OSBPL11: variants seen among roughly 807,000 people sequenced by gnomAD.
OSBPL11 encodes the protein oxysterol binding protein like 11.
In OSBPL11, 33 loss-of-function variants were observed where a neutral mutation model predicts 84.4. The ratio of observed to expected loss-of-function variants is 0.39; its 90% confidence interval spans 0.30 to 0.52. The LOEUF is 0.52. Ranked by LOEUF, OSBPL11 falls within the 20% of genes least tolerant of loss-of-function variation. OSBPL11 has a pLI of 0.72. For synonymous variants in OSBPL11, 276 were observed against 310.2 expected (o/e 0.89, Z 1.16); for missense variants, 736 against 901.1 (o/e 0.82, Z 2.35).
At chr3:125,571,868 C>T (rs1936247557) in intron 5 of OSBPL11, among the ~76,000 whole-genome samples, 1 of 152,212 alleles carries the variant, frequency 6.6e-6, no homozygotes, top group African/African-American at 2.4e-5. Flanking sequence ...GGTCAGAGCC[C>T]CCACACAGAG....
chr3:125,567,681 A>C lies in OSBPL11; in HGVS notation c.667-86T>G, dbSNP rs1031179824. 8.0e-6 allele frequency: 9 copies of C among 1,120,618 alleles called. No homozygotes were observed. The African/African-American group carries it at 1.4e-4, about 17-fold the overall frequency. 69.4% of individuals were successfully genotyped at this position (1,120,618 alleles called of 1,614,324 possible). A position where few individuals can be genotyped will look rare whatever the true frequency, so the allele number is the denominator to read the frequency against. On this transcript the variant is annotated intron_variant, in intron 5 of 12. Transcript: ENST00000296220. ...AGTTGCCATTTTAATTACCAGATTC[A>C]GCTTCTGAGCCATTTTTAAAGACCT...
intron 1 of OSBPL11, among the ~76,000 whole-genome samples, chr3:125,592,464 T>G (rs1191266459): frequency 6.6e-6 from 1 of 152,184 alleles, no homozygotes; most frequent in Non-Finnish European, 1.5e-5. Flanking sequence ...TGAGGACTAG[T>G]GAAATATTTG....
At position 125,560,595 on chromosome 3, in the gene OSBPL11, C is replaced by T. The variant is rs955094538; in HGVS notation, c.1015-76G>A. The T allele has an allele frequency of 5.5e-6, 7 of 1,281,576 alleles. No individual in the cohort carries two copies. In the African/African-American group the frequency reaches 1.1e-4, roughly 19 times the overall value. The allele number at this position is 1,281,576 out of a possible 1,614,324, so 79.4% of individuals were successfully genotyped here. A position where few individuals can be genotyped will look rare whatever the true frequency, so the allele number is the denominator to read the frequency against. ...CCATTGAGAACAAAACAATAAATAT[C>T]AGACTTGAAGACATTTGTATTTGAC... On this transcript the variant is annotated intron_variant, in intron 7 of 12. Transcript: ENST00000296220.
intron 1 of OSBPL11, among the ~76,000 whole-genome samples, chr3:125,586,811 G>C (rs571911794): frequency 6.6e-6 from 1 of 152,074 alleles, no homozygotes; most frequent in African/African-American, 2.4e-5. Flanking sequence ...CACCGTGCCC[G>C]GCAATATACT....
At chr3:125,578,688 T>C (rs900358022) in intron 4 of OSBPL11, among the ~76,000 whole-genome samples, 2 of 152,060 alleles carry the variant, frequency 1.3e-5, no homozygotes, top group Non-Finnish European at 2.9e-5. Context: ...GGAAAATCAC[T>C]TGAACCCGGG....
chr3:125,552,192 A>G lies in OSBPL11; in HGVS notation c.1643T>C (p.Met548Thr). 1 of 1,568,292 alleles carries G rather than the reference A, an allele frequency of 6.4e-7. No homozygotes were observed. Among genetic ancestry groups the G allele is most frequent in the Non-Finnish European group, 8.6e-7 (1 of 1,160,944 alleles). ...KFLGMSIGVT[M>T]VGEGILSLLE... ...ATTTTTCTACTTACCTTCTCCAACC[A>G]TTGTCACGCCTATTGACATGCCTAA... Residue 548 changes from methionine to threonine, a missense_variant, in exon 9 of 13, where the codon ATG (methionine) becomes ACG (threonine). By Grantham distance (81) the Met-to-Thr change is moderately conservative (BLOSUM62 -1). Coordinates refer to ENST00000296220, the MANE Select transcript of OSBPL11 (RefSeq NM_022776.5).
At chr3:125,546,113 C>A (rs1350890665) in intron 10 of OSBPL11, among the ~76,000 whole-genome samples, 8 of 147,588 alleles carry the variant, frequency 5.4e-5, no homozygotes, top group Non-Finnish European at 1.2e-4. Flanking sequence ...ATAGGGAGAT[C>A]CTGTCTCTTA....
chr3:125,560,847 C>T (rs951673379), intron 7 of OSBPL11, among the ~76,000 whole-genome samples: 7 of 152,140 alleles, frequency 4.6e-5, no homozygotes, highest in African/African-American at 1.7e-4. Flanking sequence ...TACAGGCATG[C>T]ACCACTGCAT....
chr3:125,547,304 A>G, intron 10 of OSBPL11, 102 bp downstream of exon 10: 1 of 970,860 alleles, frequency 1.0e-6, no homozygotes, highest in Non-Finnish European at 1.5e-6. Flanking sequence ...ACATTAATAC[A>G]AATCCAACTT....
At chr3:125,553,229 A>G (rs973816757) in intron 8 of OSBPL11, among the ~76,000 whole-genome samples, 4 of 152,244 alleles carry the variant, frequency 2.6e-5, no homozygotes, top group African/African-American at 9.6e-5. Flanking sequence ...AGACTGGATA[A>G]AAGTATCACC....
At position 125,580,506 on chromosome 3, in the gene OSBPL11, C is replaced by T. The variant is rs1364294019; in HGVS notation, c.234-466G>A. Among the ~76,000 whole-genome samples, 3 of 67,952 alleles carry T rather than the reference C, an allele frequency of 4.4e-5. No homozygotes were observed. The South Asian group carries it at 1.4e-3, about 31-fold the overall frequency. 44.6% of individuals were successfully genotyped at this position (67,952 alleles called of 152,430 possible). On this transcript the variant is annotated intron_variant, in intron 2 of 12. Coordinates refer to ENST00000296220, the MANE Select transcript of OSBPL11 (RefSeq NM_022776.5). ...TCCAGCCTGGGCAAAAAGAGCAAAACTCCGTCTCAAAAAAAAAAAAAAAAA... is the reference window on the plus strand; with the variant it reads ...TCCAGCCTGGGCAAAAAGAGCAAAATTCCGTCTCAAAAAAAAAAAAAAAAA...
intron 10 of OSBPL11, among the ~76,000 whole-genome samples, chr3:125,546,874 G>C (rs1935826557): frequency 6.6e-6 from 1 of 151,552 alleles, no homozygotes; most frequent in Non-Finnish European, 1.5e-5. Context: ...GCGACAGAGT[G>C]AGACTCTGTC....
intron 10 of OSBPL11, among the ~76,000 whole-genome samples, chr3:125,539,344 T>TATATAA (rs1404271485): frequency 6.7e-5 from 7 of 104,970 alleles, no homozygotes; most frequent in African/African-American, 1.4e-4. Flanking sequence ...TATATATATA[T>TATATAA]AATAGCTATA....
At chr3:125,533,095 T>A (rs1935585464) in intron 11 of OSBPL11, among the ~76,000 whole-genome samples, 1 of 152,016 alleles carries the variant, frequency 6.6e-6, no homozygotes, top group South Asian at 2.1e-4. Flanking sequence ...CTAAAACTTA[T>A]TTATGGTAAT....
intron 10 of OSBPL11, among the ~76,000 whole-genome samples, chr3:125,546,138 AG>A (rs1209872578): frequency 4.0e-5 from 6 of 149,688 alleles, no homozygotes; most frequent in Non-Finnish European, 7.4e-5. Flanking sequence ...AAAAAAAAAA[AG>A]AATAGGAAAG....
At chr3:125,573,701 A>T (rs1279096730) in intron 5 of OSBPL11, among the ~76,000 whole-genome samples, 1 of 151,612 alleles carries the variant, frequency 6.6e-6, no homozygotes, top group African/African-American at 2.4e-5. Context: ...CATCTCTACT[A>T]AAAAAATACA....
At chr3:125,540,647 G>A (rs933008086) in intron 10 of OSBPL11, among the ~76,000 whole-genome samples, 11 of 152,078 alleles carry the variant, frequency 7.2e-5, no homozygotes, top group African/African-American at 2.2e-4. Flanking sequence ...ACATACACCC[G>A]GAATGATATT....
At chr3:125,565,382 C>CG (rs1936138141) in intron 6 of OSBPL11, among the ~76,000 whole-genome samples, 1 of 152,182 alleles carries the variant, frequency 6.6e-6, no homozygotes, top group Non-Finnish European at 1.5e-5. Context: ...CTAAGCCTAA[C>CG]TCATCCAATG....
At chr3:125,538,365 T>TG (rs1935674227) in intron 11 of OSBPL11, 86 bp downstream of exon 11, 1 of 1,301,812 alleles carries the variant, frequency 7.7e-7, no homozygotes, top group Admixed American at 2.2e-5. Context: ...TGAAGTGACT[T>TG]GGCCAAGGTC....
Sources: gnomAD v4.1 joint callset for allele counts (sites outside exome capture counted in the v4.1 genomes callset) on GRCh38, gnomAD v4.1.1 for gene constraint, MANE v1.5 for transcripts, NCBI Gene and HGNC (gene_info 2026-07-23, HGNC 2026-07-21) for gene names.